RFX3: variants seen among roughly 807,000 people sequenced by gnomAD.
RFX3 encodes transcription factor RFX3.
Under a neutral mutation model 98.6 loss-of-function variants are expected in RFX3, and 14 were observed. The observed-to-expected ratio is 0.14, with a 90% CI of 0.09 to 0.22. The LOEUF (loss-of-function observed/expected upper bound fraction) is 0.22. RFX3 is among the 10% of genes least tolerant of loss of function. The probability of loss-of-function intolerance (pLI) is 1.00; values close to 1 mark genes in which losing one functional copy is unlikely to be tolerated. For missense variants in RFX3, 639 were observed against 926.9 expected, an observed-to-expected ratio of 0.69 and a Z score of 4.03; for synonymous variants, 383 against 328.4, an observed-to-expected ratio of 1.17 and a Z score of -1.80.
intron 1 of RFX3, among the ~76,000 whole-genome samples, chr9:3,496,772 G>C (rs1485480290): frequency 6.6e-6 from 1 of 151,832 alleles, no homozygotes; most frequent in Admixed American, 6.6e-5. Flanking sequence ...TTATTCAAAA[G>C]AACCCACATT....
At chr9:3,367,965 T>C (rs575940226) in intron 2 of RFX3, among the ~76,000 whole-genome samples, 40 of 152,320 alleles carry the variant, frequency 2.6e-4, no homozygotes, top group African/African-American at 9.1e-4. Context: ...GGTTAGGATA[T>C]ATAAGATAAC....
At chr9:3,332,108 T>C (rs1246643947) in intron 3 of RFX3, among the ~76,000 whole-genome samples, 3 of 152,192 alleles carry the variant, frequency 2.0e-5, no homozygotes, top group African/African-American at 7.2e-5. Context: ...CTAAATAATT[T>C]TCCAATTCTC....
Position 3,222,117 on chromosome 9 carries a change from A to T in RFX3, c.*2925T>A, listed in dbSNP as rs1464285323. 1 of 152,182 alleles carries T rather than the reference A, an allele frequency of 6.6e-6. No homozygotes were observed. Among genetic ancestry groups the T allele is most frequent in the African/African-American group, 2.4e-5 (1 of 41,474 alleles). 9.4% of individuals were successfully genotyped at this position (152,182 alleles called of 1,614,324 possible). On this transcript the variant is annotated 3_prime_UTR_variant, in exon 17 of 17. Coordinates refer to ENST00000617270, the MANE Select transcript of RFX3 (RefSeq NM_001282116.2). ...GTATAAATTGTTTTTATTTTCTTATATATTTTTCACAATTCAAATTCGAAA... is the reference window on the plus strand; with the variant it reads ...GTATAAATTGTTTTTATTTTCTTATTTATTTTTCACAATTCAAATTCGAAA...
chr9:3,304,587 G>C (rs1373412817), intron 4 of RFX3, among the ~76,000 whole-genome samples: 1 of 151,942 alleles, frequency 6.6e-6, no homozygotes, highest in East Asian at 1.9e-4. Context: ...CTGAATCATG[G>C]GGGTGGTTTC....
In RFX3 at chr9:3,275,559, C is replaced by T; in HGVS notation, c.1027G>A (p.Asp343Asn). The T allele has an allele frequency of 8.1e-6, 13 of 1,612,932 alleles. No individual in the cohort carries two copies. The highest frequency in any genetic ancestry group is 1.1e-5 in the Non-Finnish European group (13 of 1,179,130). ...TTGATATCCTCAAAGGTAGTACCAT[C>T]TGGCAGAGAAGAGATTTCAACTTCT... ...FGEVEISSLP[D>N]GTTFEDIKSL... The change falls in exon 9 of 17, where the codon GAT (aspartate) becomes AAT (asparagine). Residue 343 changes from aspartate (D) to asparagine (N), a missense_variant. Asp to Asn is a conservative substitution (Grantham distance 23). This residue lies in a region of RFX3 where 86 missense variants were observed against 113.2 expected (regional missense o/e 0.76). Coordinates refer to ENST00000617270, the MANE Select transcript of RFX3 (RefSeq NM_001282116.2).
chr9:3,489,408 G>C, intron 1 of RFX3: 1 of 985,006 alleles, frequency 1.0e-6, no homozygotes, highest in Non-Finnish European at 1.2e-6. Context: ...TTAAAGTACT[G>C]TTTGTAGTGG....
At chr9:3,235,829 C>T (rs977102675) in intron 15 of RFX3, among the ~76,000 whole-genome samples, 15 of 152,186 alleles carry the variant, frequency 9.9e-5, no homozygotes, top group African/African-American at 3.6e-4. Flanking sequence ...CTGGATAATC[C>T]AGGATAATCT....
At chr9:3,298,203 T>G (rs1002918992) in intron 5 of RFX3, among the ~76,000 whole-genome samples, 6 of 151,780 alleles carry the variant, frequency 4.0e-5, no homozygotes, top group African/African-American at 7.2e-5. Flanking sequence ...CAAGATCTTT[T>G]TAAAAGATGA....
rs1309696925 is a variant in RFX3, at chr9:3,330,532, G to A, written c.216-15C>T. ...TTGTTGTTCGGCTTTAGAAGAAGAA[G>A]AAAAAAGAAATTTACTAGCTTATTT... On this transcript the variant is annotated splice_polypyrimidine_tract_variant and intron_variant, in intron 3 of 16. Transcript: ENST00000617270. 3.2e-6 allele frequency: 5 copies of A among 1,575,902 alleles called. No homozygotes were observed. In the Admixed American group the frequency reaches 7.4e-5, roughly 23 times the overall value.
intron 1 of RFX3, among the ~76,000 whole-genome samples, chr9:3,397,522 C>T (rs369088082): frequency 4.0e-4 from 61 of 152,210 alleles, no homozygotes; most frequent in African/African-American, 1.2e-3. Context: ...ATTTCAGAAA[C>T]GGACCTCTGA....
intron 1 of RFX3, among the ~76,000 whole-genome samples, chr9:3,504,762 T>C (rs1202182286): frequency 1.1e-5 from 1 of 91,696 alleles, no homozygotes; most frequent in Non-Finnish European, 1.8e-5. Flanking sequence ...ATAAAATATA[T>C]GCTATATGTA....
chr9:3,259,729 C>T (rs1034724681), intron 13 of RFX3, among the ~76,000 whole-genome samples: 2 of 151,746 alleles, frequency 1.3e-5, no homozygotes, highest in African/African-American at 4.8e-5. Context: ...ACCAGTTATA[C>T]TGCAATAGAA....
At chr9:3,405,634 T>C (rs1052111046) in intron 1 of RFX3, among the ~76,000 whole-genome samples, 1 of 152,216 alleles carries the variant, frequency 6.6e-6, no homozygotes, top group African/African-American at 2.4e-5. Context: ...CATCCTTTTT[T>C]CTCAAAGAAG....
chr9:3,347,826 C>CA (rs1000321109), intron 2 of RFX3, among the ~76,000 whole-genome samples: 4 of 151,726 alleles, frequency 2.6e-5, no homozygotes, highest in African/African-American at 7.3e-5. Flanking sequence ...AACTCTGTCT[C>CA]AAAAAAACAA....
chr9:3,265,940 T>C (rs1192299460), intron 12 of RFX3, among the ~76,000 whole-genome samples: 1 of 152,064 alleles, frequency 6.6e-6, no homozygotes, highest in African/African-American at 2.4e-5. Flanking sequence ...AGAATATATA[T>C]ATCTACTATA....
chr9:3,357,978 G>C (rs1835970869), intron 2 of RFX3, among the ~76,000 whole-genome samples: 1 of 151,970 alleles, frequency 6.6e-6, no homozygotes, highest in Non-Finnish European at 1.5e-5. Flanking sequence ...GAATACACAG[G>C]TGGTAGCACA....
chr9:3,314,040 C>T (rs913771470), intron 4 of RFX3, among the ~76,000 whole-genome samples: 3 of 152,024 alleles, frequency 2.0e-5, no homozygotes, highest in South Asian at 4.1e-4. Flanking sequence ...AGATACTCCT[C>T]GAGAAGAACA....
chr9:3,219,832 A>T lies in RFX3; in HGVS notation c.*5210T>A, dbSNP rs1817250219. On this transcript the variant is annotated 3_prime_UTR_variant, in exon 17 of 17. Coordinates refer to ENST00000617270, the MANE Select transcript of RFX3 (RefSeq NM_001282116.2). ...CTGCCTAAAAAGCAACGTTTACGGC[A>T]TACTTGCACTATGCTATGGATGTCC... 1 of 152,232 alleles carries T rather than the reference A, an allele frequency of 6.6e-6. No homozygotes were observed. The highest frequency in any genetic ancestry group is 2.1e-4 in the South Asian group (1 of 4,832). The allele number at this position is 152,232 out of a possible 1,614,324, so 9.4% of individuals were successfully genotyped here.
chr9:3,393,267 A>G (rs2131891438), intron 2 of RFX3, among the ~76,000 whole-genome samples: 1 of 152,144 alleles, frequency 6.6e-6, no homozygotes, highest in East Asian at 1.9e-4. Context: ...AGAATGGGGG[A>G]GGTTAAAGGC....
Sources: gnomAD v4.1 joint callset for allele counts (sites outside exome capture counted in the v4.1 genomes callset) on GRCh38, gnomAD v4.1.1 for gene constraint, gnomAD v4.1.1 regional missense constraint, MANE v1.5 for transcripts, NCBI Gene and HGNC (gene_info 2026-07-23, HGNC 2026-07-21) for gene names.